The following MAGI3 variants were observed in gnomAD, a reference collection of about 807,000 sequenced individuals.
MAGI3 encodes the protein membrane associated guanylate kinase, WW and PDZ domain containing 3.
MAGI3 carries 43 observed loss-of-function variants against 121.8 expected under a neutral mutation model. The ratio of observed to expected loss-of-function variants is 0.35; its 90% CI spans 0.28 to 0.46. The LOEUF (loss-of-function observed/expected upper bound fraction) is 0.46, where lower values mean the gene tolerates loss of function less well. MAGI3 is among the 20% of genes least tolerant of loss of function. The probability of loss-of-function intolerance (pLI) is 1.00; values close to 1 mark genes in which losing one functional copy is unlikely to be tolerated. For missense variants in MAGI3, 1,547 were observed against 1,797.3 expected, an observed-to-expected ratio of 0.86 and a Z score of 2.52; for synonymous variants, 553 against 639.3, an observed-to-expected ratio of 0.86 and a Z score of 2.04.
chr1:113,413,868 A>G (rs560036137), intron 1 of MAGI3, among the ~76,000 whole-genome samples: 4 of 152,112 alleles, frequency 2.6e-5, no homozygotes, highest in South Asian at 2.1e-4. Flanking sequence ...GATACCCTTT[A>G]TTTCTTTCTC....
rs1376214039 is a variant in MAGI3 at position 113,683,137 on chromosome 1, A to G, written c.3569A>G (p.Asn1190Ser). 6.2e-7 allele frequency: 1 copy of G among 1,613,172 alleles called. No individual in the cohort carries two copies. Among genetic ancestry groups the G allele is most frequent in the Admixed American group, 1.7e-5 (1 of 59,796 alleles). ...EIKHQSLLQKNVSKRDPPSSH... is the reference protein window; with the variant it reads ...EIKHQSLLQKSVSKRDPPSSH... Reference sequence around the variant, plus strand: ...AAGCATCAGTCTCTTCTCCAGAAAAATGTGAGTAAGAGGGATCCACCCAGC... The same window carrying G: ...AAGCATCAGTCTCTTCTCCAGAAAAGTGTGAGTAAGAGGGATCCACCCAGC... The change falls in exon 21 of 21, where the codon AAT becomes AGT. Residue 1190 changes from asparagine (N) to serine (S), a missense_variant. By Grantham distance (46) the Asn-to-Ser change is conservative. Coordinates refer to ENST00000307546, the MANE Select transcript of MAGI3 (RefSeq NM_001142782.2).
intron 9 of MAGI3, among the ~76,000 whole-genome samples, chr1:113,625,579 A>G (rs536173848): frequency 6.6e-6 from 1 of 152,220 alleles, no homozygotes; most frequent in South Asian, 2.1e-4. Context: ...ATCAGTTCTA[A>G]TAGTTTTTTT....
At chr1:113,494,892 C>T (rs1656843464) in intron 1 of MAGI3, among the ~76,000 whole-genome samples, 1 of 151,986 alleles carries the variant, frequency 6.6e-6, no homozygotes, top group Non-Finnish European at 1.5e-5. Flanking sequence ...TATTTGTTTA[C>T]TTGTTTTTGT....
chr1:113,640,999 TATATATAATATATATG>T (rs1378910391), intron 9 of MAGI3, among the ~76,000 whole-genome samples: 3 of 59,310 alleles, frequency 5.1e-5, no homozygotes, highest in East Asian at 4.7e-4. Flanking sequence ...CTATATATGA[TATATATAATATATATG>T]ATATATAATA....
At chr1:113,596,007 G>A (rs547195819) in intron 6 of MAGI3, among the ~76,000 whole-genome samples, 51 of 149,728 alleles carry the variant, frequency 3.4e-4, no homozygotes, top group African/African-American at 1.2e-3. Context: ...CTCCAGCCTG[G>A]GTGACAGAGT....
chr1:113,579,465 C>T (rs1177267251), intron 2 of MAGI3, among the ~76,000 whole-genome samples: 1 of 152,070 alleles, frequency 6.6e-6, no homozygotes, highest in African/African-American at 2.4e-5. Context: ...TTGCCAGGGG[C>T]CAGATCACAA....
intron 19 of MAGI3, 85 bp downstream of exon 19, chr1:113,673,550 G>T: frequency 7.2e-7 from 1 of 1,385,358 alleles, no homozygotes. Context: ...TAAAGGGAAT[G>T]CAGGAACCTC....
chr1:113,411,289 C>T (rs146872757), intron 1 of MAGI3, among the ~76,000 whole-genome samples: 219 of 152,170 alleles, frequency 1.4e-3, no homozygotes, highest in African/African-American at 4.9e-3. Context: ...TAGTGGAAAA[C>T]AGGAGGCTTT....
chr1:113,644,760 G>T (rs771953451), intron 11 of MAGI3, among the ~76,000 whole-genome samples: 52 of 152,112 alleles, frequency 3.4e-4, no homozygotes, highest in Non-Finnish European at 1.0e-4. Flanking sequence ...CTGCTGTTGT[G>T]GAAGAAACTC....
rs912157886 is a variant in MAGI3 at position 113,584,861 on chromosome 1, G to A, written c.554-526G>A. ...TATTAAGATATTAGATAATATATGT[G>A]AAGAGCACTTGAGAAATTAGTTCTT... is the stretch of plus-strand genomic sequence containing the variant. On this transcript the variant is annotated intron_variant, in intron 3 of 20. Transcript: ENST00000307546. 2.6e-5 allele frequency among the ~76,000 whole-genome samples: 4 copies of A among 151,884 alleles called. No homozygotes were observed. In the East Asian group the frequency reaches 7.7e-4, roughly 29 times the overall value.
Position 113,642,117 on chromosome 1 carries a change from G to A in MAGI3, c.1567G>A (p.Glu523Lys), listed in dbSNP as rs1652577808. The change falls in exon 10 of 21, where the codon GAG (glutamate) becomes AAG (lysine). Residue 523 changes from glutamate (E) to lysine (K), a missense_variant. Transcript: ENST00000307546. ...CAATGGACAGTCATTAACCAAGGGA[G>A]AGACTTGCATGAATCCTCAGGATTT... ...VINGQSLTKGETCMNPQDFKP... is the reference protein window; with the variant it reads ...VINGQSLTKGKTCMNPQDFKP... 2 of 1,614,208 alleles carry A rather than the reference G, an allele frequency of 1.2e-6. No individual in the cohort carries two copies. The highest frequency in any genetic ancestry group is 1.7e-6 in the Non-Finnish European group (2 of 1,180,032).
chr1:113,437,845 CTTCTTCTTCTTCTTCTTCCTCTT>C (rs761938212), intron 1 of MAGI3, among the ~76,000 whole-genome samples: 95 of 60,902 alleles, frequency 1.6e-3, no homozygotes, highest in African/African-American at 2.2e-3. Flanking sequence ...TCTTCTTCTT[CTTCTTCTTCTTCTTCTTCCTCTT>C]CTTCTTCTTC....
intron 1 of MAGI3, among the ~76,000 whole-genome samples, chr1:113,393,430 G>A (rs1650929731): frequency 6.6e-6 from 1 of 152,154 alleles, no homozygotes; most frequent in African/African-American, 2.4e-5. Flanking sequence ...ATACCATTAT[G>A]TCTGTGTTAT....
rs1648199588 is a variant in MAGI3 at position 113,681,280 on chromosome 1, G to A, written c.3272G>A (p.Gly1091Asp). The A allele has an allele frequency of 7.4e-6, 12 of 1,614,152 alleles. No individual in the cohort carries two copies. Among genetic ancestry groups the A allele is most frequent in the Non-Finnish European group, 9.3e-6 (11 of 1,180,012 alleles). Reference protein sequence around the residue: ...HTRAIELIQAGGNKVLLLLRP... With the variant: ...HTRAIELIQADGNKVLLLLRP... ...CGAGCAATTGAGCTCATTCAGGCTG[G>A]TGGAAATAAAGTTCTTCTTCTTTTG... The change falls in exon 20 of 21, where the codon GGT (glycine) becomes GAT (aspartate). Residue 1091 changes from glycine to aspartate, a missense_variant. By Grantham distance (94) the Gly-to-Asp change is moderately conservative (BLOSUM62 -1). Coordinates refer to ENST00000307546, the MANE Select transcript of MAGI3 (RefSeq NM_001142782.2).
At chr1:113,535,704 T>G (rs1658943078) in intron 1 of MAGI3, among the ~76,000 whole-genome samples, 1 of 152,126 alleles carries the variant, frequency 6.6e-6, no homozygotes, top group South Asian at 2.1e-4. Context: ...TGCATGAAAA[T>G]ACTTATTACC....
At chr1:113,680,794 A>G (rs1339630863) in intron 19 of MAGI3, among the ~76,000 whole-genome samples, 4 of 152,000 alleles carry the variant, frequency 2.6e-5, no homozygotes, top group African/African-American at 4.8e-5. Context: ...AAAATCCTAC[A>G]CAGGAAAGTT....
At chr1:113,623,627 A>G (rs1218309764) in intron 9 of MAGI3, among the ~76,000 whole-genome samples, 4 of 151,846 alleles carry the variant, frequency 2.6e-5, no homozygotes, top group Non-Finnish European at 4.4e-5. Flanking sequence ...AGCTGGGACT[A>G]CAGGCGCCCG....
chr1:113,413,197 G>T (rs1652097287), intron 1 of MAGI3, among the ~76,000 whole-genome samples: 1 of 152,082 alleles, frequency 6.6e-6, no homozygotes, highest in Non-Finnish European at 1.5e-5. Flanking sequence ...TGGATGTGTG[G>T]TATTATTTCT....
chr1:113,625,196 T>C (rs1651155125), intron 9 of MAGI3, among the ~76,000 whole-genome samples: 1 of 152,210 alleles, frequency 6.6e-6, no homozygotes, highest in South Asian at 2.1e-4. Flanking sequence ...TGGTTCCATA[T>C]AAATTTCAGA....
Sources: gnomAD v4.1 joint callset for allele counts (sites outside exome capture counted in the v4.1 genomes callset) on GRCh38, gnomAD v4.1.1 for gene constraint, MANE v1.5 for transcripts, NCBI Gene and HGNC (gene_info 2026-07-23, HGNC 2026-07-21) for gene names.